The following NLGN4X variants were observed in gnomAD, a reference collection of about 807,000 sequenced individuals.
NLGN4X encodes neuroligin 4 X-linked.
Under a neutral mutation model 40.3 loss-of-function variants are expected in NLGN4X, and 3 were observed. The observed-to-expected ratio is 0.07, with a 90% CI of 0.03 to 0.19. The LOEUF (loss-of-function observed/expected upper bound fraction) is 0.19. Ranked by LOEUF, NLGN4X falls within the 10% of genes least tolerant of loss-of-function variation. The pLI is 1.00. For missense variants in NLGN4X, 382 were observed against 708.3 expected (o/e 0.54, Z 5.23); for synonymous variants, 270 against 306.8 (o/e 0.88, Z 1.25).
chrX:5,899,435 C>A (rs892399056), intron 5 of NLGN4X, among the ~76,000 whole-genome samples: 1 of 111,897 alleles, frequency 8.9e-6, no homozygotes, highest in Admixed American at 9.5e-5. Context: ...ACCCTCAACA[C>A]AGACCATGAA....
intron 2 of NLGN4X, among the ~76,000 whole-genome samples, chrX:6,097,722 C>G (rs777148485): frequency 8.9e-6 from 1 of 111,752 alleles, no homozygotes; most frequent in Non-Finnish European, 1.9e-5. Flanking sequence ...AAGAAAAGGT[C>G]CATGTCACTC....
In NLGN4X at chrX:5,892,897, G is replaced by A. The variant is rs754206681; in HGVS notation, c.2371C>T (p.Pro791Ser). Residue 791 changes from proline to serine, a missense_variant, in exon 6 of 6, where the codon CCT becomes TCT. Coordinates refer to ENST00000381095, the MANE Select transcript of NLGN4X (RefSeq NM_181332.3). ...MIPNTLTGMQ[P>S]LHTFNTFSGG... The stretch of plus-strand genomic sequence containing the variant: ...CTGAAGGTGTTAAAAGTGTGCAAAG[G>A]CTGCATCCCCGTCAGTGTGTTTGGA... The A allele has an allele frequency of 8.3e-7, 1 of 1,211,512 alleles. No homozygotes were observed. The highest frequency in any genetic ancestry group is 1.1e-6 in the Non-Finnish European group (1 of 895,494).
chrX:6,179,578 T>C (rs1029517906), intron 1 of NLGN4X, among the ~76,000 whole-genome samples: 1 of 112,312 alleles, frequency 8.9e-6, no homozygotes, highest in Non-Finnish European at 1.9e-5. Flanking sequence ...AATTTCATGG[T>C]GTGCCTTGGT....
chrX:6,157,857 A>T (rs1212998211), intron 1 of NLGN4X, among the ~76,000 whole-genome samples: 1 of 111,324 alleles, frequency 9.0e-6, no homozygotes, highest in African/African-American at 3.3e-5. Context: ...CAGACCACAG[A>T]AGTATCCCGT....
chrX:6,170,639 A>C (rs778374070), intron 1 of NLGN4X, among the ~76,000 whole-genome samples: 1 of 112,524 alleles, frequency 8.9e-6, no homozygotes, highest in South Asian at 3.7e-4. Flanking sequence ...CTTGCCCAAC[A>C]TACAACATCC....
At position 5,996,139 on chromosome X, in the gene NLGN4X, C is replaced by A. The variant is rs753359260; in HGVS notation, c.625+33141G>T. On this transcript the variant is annotated intron_variant, in intron 3 of 5. Transcript: ENST00000381095. Reference sequence around the variant, plus strand: ...GATGGTCACAGTCCCTGAAAGGATTCCCTGGAAAGTCAGATCCAGCTTAGT... The same window carrying A: ...GATGGTCACAGTCCCTGAAAGGATTACCTGGAAAGTCAGATCCAGCTTAGT... Among the ~76,000 whole-genome samples the A allele has an allele frequency of 2.7e-5, 3 of 111,993 alleles. No individual in the cohort carries two copies. The South Asian group carries it at 1.1e-3, about 42-fold the overall frequency.
intron 3 of NLGN4X, among the ~76,000 whole-genome samples, chrX:5,953,729 G>A (rs919336632): frequency 1.8e-5 from 2 of 111,983 alleles, no homozygotes; most frequent in South Asian, 3.7e-4. Flanking sequence ...ATTCGTGTTC[G>A]CCTGTAATAT....
chrX:6,065,589 G>A (rs1025806810), intron 2 of NLGN4X, among the ~76,000 whole-genome samples: 12 of 110,933 alleles, frequency 1.1e-4, no homozygotes, highest in African/African-American at 3.3e-4. Flanking sequence ...AAAATTTTGC[G>A]GTTAAATAAT....
intron 3 of NLGN4X, among the ~76,000 whole-genome samples, chrX:6,000,303 G>T (rs1344888331): frequency 8.9e-6 from 1 of 112,246 alleles, no homozygotes; most frequent in African/African-American, 3.2e-5. Flanking sequence ...ATAAAATATT[G>T]GCGTTTGGTT....
At chrX:6,074,559 C>T (rs1421971740) in intron 2 of NLGN4X, among the ~76,000 whole-genome samples, 1 of 111,896 alleles carries the variant, frequency 8.9e-6, no homozygotes, top group African/African-American at 3.3e-5. Flanking sequence ...TATCTTGCAG[C>T]AGGTTGAAGG....
At chrX:5,994,332 A>G (rs375744256) in intron 3 of NLGN4X, among the ~76,000 whole-genome samples, 3 of 111,839 alleles carry the variant, frequency 2.7e-5, no homozygotes, top group East Asian at 5.7e-4. Flanking sequence ...TATGTACTTT[A>G]CTAGAACCTC....
intron 3 of NLGN4X, among the ~76,000 whole-genome samples, chrX:5,925,189 T>A (rs1380733832): frequency 1.8e-5 from 2 of 111,637 alleles, no homozygotes; most frequent in Non-Finnish European, 3.8e-5. Flanking sequence ...AGTGATATTT[T>A]AACAAATACT....
At chrX:5,939,549 C>CA (rs936782235) in intron 3 of NLGN4X, among the ~76,000 whole-genome samples, 2 of 110,529 alleles carry the variant, frequency 1.8e-5, no homozygotes, top group African/African-American at 6.6e-5. Context: ...CTTTTCTGCT[C>CA]AAAAAAAATG....
intron 2 of NLGN4X, among the ~76,000 whole-genome samples, chrX:6,097,891 G>A (rs367904475): frequency 9.9e-5 from 11 of 111,630 alleles, no homozygotes; most frequent in African/African-American, 2.3e-4. Flanking sequence ...TGGTAACAAA[G>A]GTGAGCTGTC....
At chrX:5,919,618 C>T (rs1005110948) in intron 3 of NLGN4X, among the ~76,000 whole-genome samples, 2 of 111,333 alleles carry the variant, frequency 1.8e-5, no homozygotes, top group Non-Finnish European at 3.8e-5. Flanking sequence ...CTCCACCTCT[C>T]GTCAGTTCAG....
chrX:5,948,078 C>T (rs2034189140), intron 3 of NLGN4X, among the ~76,000 whole-genome samples: 1 of 110,539 alleles, frequency 9.0e-6, no homozygotes, highest in African/African-American at 3.3e-5. Context: ...TGTATTGAAC[C>T]AAAGAATGGA....
chrX:6,008,692 A>C (rs1160852851), intron 3 of NLGN4X, among the ~76,000 whole-genome samples: 1 of 112,063 alleles, frequency 8.9e-6, no homozygotes, highest in Non-Finnish European at 1.9e-5. Flanking sequence ...GATATAGAGA[A>C]TATGAAATTG....
intron 3 of NLGN4X, among the ~76,000 whole-genome samples, chrX:5,975,809 T>C (rs1197282311): frequency 1.8e-5 from 2 of 110,468 alleles, no homozygotes; most frequent in Non-Finnish European, 3.8e-5. Flanking sequence ...AGAGATAATG[T>C]TGGTTATATG....
At chrX:6,044,055 C>G (rs957345518) in intron 2 of NLGN4X, among the ~76,000 whole-genome samples, 1 of 109,855 alleles carries the variant, frequency 9.1e-6, no homozygotes, top group African/African-American at 3.3e-5. Context: ...ACTGCTTGAA[C>G]GCTGAAGTTT....
Sources: allele counts gnomAD v4.1 joint callset (sites outside exome capture counted in the v4.1 genomes callset), GRCh38; gene constraint gnomAD v4.1.1; transcripts MANE v1.5; gene names NCBI Gene and HGNC (gene_info 2026-07-23, HGNC 2026-07-21).